Variants in PARD3B observed in about 807,000 individuals in gnomAD.
PARD3B encodes partitioning defective 3 homolog B.
A neutral mutation model predicts 130.2 loss-of-function variants in PARD3B; 103 were observed. The ratio of observed to expected loss-of-function variants is 0.79; its 90% CI spans 0.67 to 0.93. The LOEUF (loss-of-function observed/expected upper bound fraction) is 0.93, where lower values mean the gene tolerates loss of function less well. Among genes scored for constraint, PARD3B ranks in the 40% least tolerant of loss-of-function variants. PARD3B has a pLI of 0.00. For synonymous variants in PARD3B, 583 were observed against 553.2 expected, an observed-to-expected ratio of 1.05 and a Z score of -0.76; for missense variants, 1,609 against 1,499.2, an observed-to-expected ratio of 1.07 and a Z score of -1.21.
chr2:204,803,972 G>A (rs1370680605), intron 2 of PARD3B, among the ~76,000 whole-genome samples: 1 of 152,164 alleles, frequency 6.6e-6, no homozygotes, highest in East Asian at 1.9e-4. Context: ...TGTAATCCCT[G>A]TACTTTGGGA....
At chr2:204,646,546 T>C (rs1213558763) in intron 1 of PARD3B, among the ~76,000 whole-genome samples, 1 of 152,074 alleles carries the variant, frequency 6.6e-6, no homozygotes, top group African/African-American at 2.4e-5. Context: ...CCATTTGTGT[T>C]GTTTCTAACC....
chr2:204,750,813 T>C (rs935208831), intron 2 of PARD3B, among the ~76,000 whole-genome samples: 13 of 152,224 alleles, frequency 8.5e-5, no homozygotes, highest in Non-Finnish European at 1.5e-4. Context: ...ATTTTTAAAG[T>C]GTGAGCACAC....
At chr2:205,042,952 G>A (rs894767693) in intron 3 of PARD3B, among the ~76,000 whole-genome samples, 33 of 147,950 alleles carry the variant, frequency 2.2e-4, no homozygotes, top group African/African-American at 8.2e-4. Context: ...TATTTTATTT[G>A]TGCTTTGCTT....
At chr2:205,598,332 CAG>C (rs369065982) in intron 22 of PARD3B, among the ~76,000 whole-genome samples, 11 of 151,522 alleles carry the variant, frequency 7.3e-5, no homozygotes, top group African/African-American at 2.7e-4. Flanking sequence ...TCAGATAAAA[CAG>C]ACTTTGAATG....
intron 20 of PARD3B, among the ~76,000 whole-genome samples, chr2:205,485,228 C>G (rs1040272617): frequency 6.6e-6 from 1 of 152,042 alleles, no homozygotes; most frequent in Non-Finnish European, 1.5e-5. Context: ...GCAGCCAGAC[C>G]CAGATTCCTA....
intron 4 of PARD3B, among the ~76,000 whole-genome samples, chr2:205,059,528 T>G (rs1020900174): frequency 6.6e-6 from 1 of 152,032 alleles, no homozygotes; most frequent in Non-Finnish European, 1.5e-5. Context: ...ATCCACACCC[T>G]TTCTGCTCTG....
intron 19 of PARD3B, among the ~76,000 whole-genome samples, chr2:205,439,518 C>A (rs781657202): frequency 2.6e-5 from 4 of 152,170 alleles, no homozygotes; most frequent in Non-Finnish European, 5.9e-5. Context: ...TGATTTAACA[C>A]TTTCCAGATT....
At chr2:205,002,079 CAT>C (rs1426249852) in intron 3 of PARD3B, among the ~76,000 whole-genome samples, 1 of 152,174 alleles carries the variant, frequency 6.6e-6, no homozygotes, top group Non-Finnish European at 1.5e-5. Context: ...TCATATGACA[CAT>C]GTGAGTAGTT....
At chr2:205,077,863 T>C (rs1701170286) in intron 4 of PARD3B, among the ~76,000 whole-genome samples, 1 of 152,186 alleles carries the variant, frequency 6.6e-6, no homozygotes, top group South Asian at 2.1e-4. Flanking sequence ...CTTTCCTATT[T>C]AAACAACAAA....
intron 2 of PARD3B, among the ~76,000 whole-genome samples, chr2:204,764,742 G>GTGTGTGTGTGTGTGTGTGTGTA (rs2041068484): frequency 6.6e-6 from 1 of 151,796 alleles, no homozygotes; most frequent in African/African-American, 2.4e-5. Context: ...GTGTGTGTGT[G>GTGTGTGTGTGTGTGTGTGTGTA]TAGTTAATTT....
chr2:205,451,438 G>A (rs367759438), intron 20 of PARD3B, among the ~76,000 whole-genome samples: 3 of 152,224 alleles, frequency 2.0e-5, no homozygotes, highest in African/African-American at 4.8e-5. Context: ...CTTTTAGGGC[G>A]ACACTCTATG....
chr2:204,634,714 G>A (rs1362011738), intron 1 of PARD3B, among the ~76,000 whole-genome samples: 2 of 151,844 alleles, frequency 1.3e-5, no homozygotes, highest in African/African-American at 4.8e-5. Flanking sequence ...ATGTATTTTT[G>A]AGGTAATATT....
At chr2:205,611,887 T>C (rs1288128546) in intron 22 of PARD3B, among the ~76,000 whole-genome samples, 1 of 152,144 alleles carries the variant, frequency 6.6e-6, no homozygotes, top group African/African-American at 2.4e-5. Flanking sequence ...GATACATTTG[T>C]TATGCGGATT....
intron 18 of PARD3B, among the ~76,000 whole-genome samples, chr2:205,378,635 CTTTTTTTTT>C (rs559839181): frequency 2.9e-5 from 4 of 137,128 alleles, no homozygotes. Flanking sequence ...ATTTTTTTTT[CTTTTTTTTT>C]TTTTTTGAGA....
chr2:205,363,995 A>G (rs772911774), intron 18 of PARD3B, among the ~76,000 whole-genome samples: 3 of 151,716 alleles, frequency 2.0e-5, no homozygotes, highest in Non-Finnish European at 4.4e-5. Context: ...CCCATCTCCC[A>G]TGTGTAGTGA....
chr2:205,324,511 ATAAATAGAGTTGCAGGT>A (rs1428022073), intron 18 of PARD3B, among the ~76,000 whole-genome samples: 2 of 152,186 alleles, frequency 1.3e-5, no homozygotes, highest in Non-Finnish European at 2.9e-5. Flanking sequence ...CATTAGAGAT[ATAAATAGAGTTGCAGGT>A]TAATATATCA....
chr2:205,101,506 A>G (rs1184099276), intron 4 of PARD3B, among the ~76,000 whole-genome samples: 1 of 152,220 alleles, frequency 6.6e-6, no homozygotes, highest in Non-Finnish European at 1.5e-5. Flanking sequence ...TATAGTTACC[A>G]TATGAGCAAC....
intron 2 of PARD3B, among the ~76,000 whole-genome samples, chr2:204,911,205 A>C (rs1421992623): frequency 6.6e-6 from 1 of 152,246 alleles, no homozygotes; most frequent in Non-Finnish European, 1.5e-5. Context: ...ACGAGACAGC[A>C]TGTGAGAGAC....
chr2:204,899,121 A>G (rs1408840568), intron 2 of PARD3B, among the ~76,000 whole-genome samples: 2 of 151,652 alleles, frequency 1.3e-5, no homozygotes, highest in East Asian at 3.9e-4. Flanking sequence ...GTTATCATTG[A>G]TAAATAAAGA....
Sources: gnomAD v4.1 joint callset for allele counts (sites outside exome capture counted in the v4.1 genomes callset) on GRCh38, gnomAD v4.1.1 for gene constraint, MANE v1.5 for transcripts, NCBI Gene and HGNC (gene_info 2026-07-23, HGNC 2026-07-21) for gene names.